The following OTUD6B variants were observed in gnomAD, a reference collection of about 807,000 sequenced individuals.
OTUD6B encodes deubiquitinase OTUD6B.
OTUD6B carries 41 observed loss-of-function variants against 36.9 expected under a neutral mutation model. The ratio of observed to expected loss-of-function variants is 1.11; its 90% CI spans 0.87 to 1.44. OTUD6B has a LOEUF of 1.44. Among genes scored for constraint, OTUD6B ranks in the 40% most tolerant of loss-of-function variants. The pLI, the probability that OTUD6B is intolerant of heterozygous loss-of-function variation, is 0.00. For synonymous variants in OTUD6B, 114 were observed against 114.2 expected, an observed-to-expected ratio of 1.00 and a Z score of 0.01; for missense variants, 356 against 344.8, an observed-to-expected ratio of 1.03 and a Z score of -0.26.
In OTUD6B at chr8:91,080,691, A is replaced by G. The variant is rs1460438317; in HGVS notation, c.651A>G (p.Glu217=). The change falls in exon 5 of 7, where the codon GAA becomes GAG. Residue 217 remains glutamate (E), a synonymous_variant. Transcript: ENST00000404789. ...CAGAAGAATTTCAGAAGTACTGTGA[A>G]GATATTGTAAACACAGCTGCATGGG... ...YTPEEFQKYC[E]DIVNTAAWGG... 1 of 1,603,832 alleles carries G rather than the reference A, an allele frequency of 6.2e-7. No individual in the cohort carries two copies. Among genetic ancestry groups the G allele is most frequent in the African/African-American group, 1.3e-5 (1 of 74,784 alleles).
At position 91,082,517 on chromosome 8, in the gene OTUD6B, GC is replaced by G. The variant is rs141933594; in HGVS notation, c.691-1489del. 5.3e-3 allele frequency among the ~76,000 whole-genome samples: 799 copies of G among 151,988 alleles called. 10 individuals are homozygous for G. Among genetic ancestry groups the G allele is most frequent in the African/African-American group, 0.018 (763 of 41,460 alleles). ...CACTCCTGAGTAGCTGCACCACCAT[GC>G]CTGGCTAATTTTTGTATTTTTTGTA... is the stretch of plus-strand genomic sequence containing the variant. On this transcript the variant is annotated intron_variant, in intron 5 of 6. Coordinates refer to ENST00000404789, the MANE Select transcript of OTUD6B (RefSeq NM_016023.5).
At chr8:91,074,394 A>C (rs979790515) in intron 3 of OTUD6B, among the ~76,000 whole-genome samples, 1 of 152,102 alleles carries the variant, frequency 6.6e-6, no homozygotes, top group South Asian at 2.1e-4. Context: ...TAGGTATACA[A>C]AATTCTTAGA....
chr8:91,073,442 C>T (rs1301625229), intron 2 of OTUD6B, among the ~76,000 whole-genome samples: 1 of 152,120 alleles, frequency 6.6e-6, no homozygotes, highest in African/African-American at 2.4e-5. Context: ...TGGAAAAAGG[C>T]CTCTGCTGCC....
intron 3 of OTUD6B, among the ~76,000 whole-genome samples, chr8:91,077,413 T>C (rs1812822701): frequency 6.6e-6 from 1 of 152,074 alleles, no homozygotes; most frequent in Admixed American, 6.6e-5. Flanking sequence ...TTTCATCTCT[T>C]GACAGTTTTC....
At position 91,086,557 on chromosome 8, in the gene OTUD6B, A is replaced by T. The variant is rs952882555; in HGVS notation, c.*1689A>T. 6.6e-6 allele frequency: 1 copy of T among 152,108 alleles called. No individual in the cohort carries two copies. Among genetic ancestry groups the T allele is most frequent in the Non-Finnish European group, 1.5e-5 (1 of 67,978 alleles). The allele number at this position is 152,108 out of a possible 1,614,324, so 9.4% of individuals were successfully genotyped here. A position where few individuals can be genotyped will look rare whatever the true frequency, so the allele number is the denominator to read the frequency against. ...AATGTCAACATTAGGAAGCCATAAA[A>T]CAAGATATTATGAAACCCAGTATTA... On this transcript the variant is annotated 3_prime_UTR_variant, in exon 7 of 7. Transcript: ENST00000404789.
chr8:91,076,700 A>T, intron 3 of OTUD6B: 1 of 1,263,688 alleles, frequency 7.9e-7, no homozygotes, highest in South Asian at 1.3e-5. Flanking sequence ...AGAAGAGGAA[A>T]ATGAGGGGTT....
intron 2 of OTUD6B, among the ~76,000 whole-genome samples, chr8:91,072,733 C>G (rs74874559): frequency 0.01 from 1,563 of 152,256 alleles, 35 homozygotes; most frequent in African/African-American, 0.036. Flanking sequence ...CCCATCTTTT[C>G]TATTAATGAG....
chr8:91,082,322 T>C (rs1812921490), intron 5 of OTUD6B, among the ~76,000 whole-genome samples: 1 of 152,120 alleles, frequency 6.6e-6, no homozygotes, highest in South Asian at 2.1e-4. Flanking sequence ...AATGGAATGT[T>C]CTTGTAATGG....
chr8:91,073,797 A>G lies in OTUD6B; in HGVS notation c.235-34A>G, dbSNP rs770238659. On this transcript the variant is annotated intron_variant, in intron 2 of 6. Coordinates refer to ENST00000404789, the MANE Select transcript of OTUD6B (RefSeq NM_016023.5). ...TATGATTTTCAGTAATTTAATAAGT[A>G]CATTGACTTGTTAATGCTTTTTGTT... 5.9e-6 allele frequency: 9 copies of G among 1,517,356 alleles called. No individual in the cohort carries two copies. The South Asian group carries it at 1.1e-4, about 19-fold the overall frequency. The allele number at this position is 1,517,356 out of a possible 1,614,324, so 94.0% of individuals were successfully genotyped here.
chr8:91,080,638 T>C (rs1812885521), intron 4 of OTUD6B, 31 bp from the exon 5 acceptor site: 2 of 1,562,048 alleles, frequency 1.3e-6, no homozygotes, highest in Non-Finnish European at 1.7e-6. Context: ...CAAAAATTAT[T>C]AAGTGCTGTA....
At chr8:91,081,423 G>A (rs1320342896) in intron 5 of OTUD6B, among the ~76,000 whole-genome samples, 2 of 151,572 alleles carry the variant, frequency 1.3e-5, no homozygotes, top group South Asian at 2.1e-4. Flanking sequence ...TGGTGATGAA[G>A]CAGCCTGGGT....
Position 91,071,123 on chromosome 8 carries a change from T to G in OTUD6B, c.83-15T>G, listed in dbSNP as rs1463496985. The G allele has an allele frequency of 3.7e-6, 6 of 1,611,604 alleles. No homozygotes were observed. The highest frequency in any genetic ancestry group is 5.1e-6 in the Non-Finnish European group (6 of 1,179,256). ...CTCCTGCGTGTCTGACTTAATGATTTTAATGGCTTTTCAGCCAAAATTCAG... is the reference window on the plus strand; with the variant it reads ...CTCCTGCGTGTCTGACTTAATGATTGTAATGGCTTTTCAGCCAAAATTCAG... On this transcript the variant is annotated splice_polypyrimidine_tract_variant and intron_variant, in intron 1 of 6. Coordinates refer to ENST00000404789, the MANE Select transcript of OTUD6B (RefSeq NM_016023.5).
Position 91,070,364 on chromosome 8 carries a change from G to A in OTUD6B, c.-21G>A, listed in dbSNP as rs758663478. ...CCGGTGCAGGTTTCTTCTAGCGCGT[G>A]TGCTGGGGTACCTGGTCGTCATGGA... is the stretch of plus-strand genomic sequence containing the variant. On this transcript the variant is annotated 5_prime_UTR_variant, in exon 1 of 7. In the 5' UTR this introduces an upstream ATG that the reference lacks. Coordinates refer to ENST00000404789, the MANE Select transcript of OTUD6B (RefSeq NM_016023.5). 4 of 1,612,428 alleles carry A rather than the reference G, an allele frequency of 2.5e-6. No individual in the cohort carries two copies. In the African/African-American group the frequency reaches 5.3e-5, roughly 22 times the overall value.
chr8:91,070,397 T>G lies in OTUD6B; in HGVS notation c.13T>G (p.Leu5Val). Residue 5 changes from leucine (L) to valine (V), a missense_variant, in exon 1 of 7, where the codon TTG (leucine) becomes GTG (valine). Transcript: ENST00000404789. ...GTACCTGGTCGTCATGGAGGCGGTA[T>G]TGACCGAAGAGCTTGATGAGGAAGA... MEAV[L>V]TEELDEEEQL... The G allele has an allele frequency of 6.2e-7, 1 of 1,607,338 alleles. No individual in the cohort carries two copies. The highest frequency in any genetic ancestry group is 8.5e-7 in the Non-Finnish European group (1 of 1,176,872).
At chr8:91,075,045 C>T (rs184990669) in intron 3 of OTUD6B, among the ~76,000 whole-genome samples, 99 of 152,012 alleles carry the variant, frequency 6.5e-4, no homozygotes, top group African/African-American at 2.1e-3. Flanking sequence ...TATAGTATGC[C>T]TCTTAAAAAT....
intron 2 of OTUD6B, among the ~76,000 whole-genome samples, chr8:91,073,106 G>A (rs1305768931): frequency 1.3e-5 from 2 of 151,952 alleles, no homozygotes; most frequent in African/African-American, 2.4e-5. Context: ...TGATCATTTG[G>A]GACACAGCCT....
Position 91,084,033 on chromosome 8 carries a change from A to C in OTUD6B, c.716A>C (p.Gln239Pro), listed in dbSNP as rs1190450182. The change falls in exon 6 of 7, where the codon CAA becomes CCA. Residue 239 changes from glutamine (Q) to proline (P), a missense_variant. Transcript: ENST00000404789. ...CTAAGAGCTCTGTCTCACATTTTAC[A>C]AACACCAATAGAGATAATACAGGCA... ...LELRALSHIL[Q>P]TPIEIIQADS... 6.4e-7 allele frequency: 1 copy of C among 1,574,508 alleles called. No individual in the cohort carries two copies. Among genetic ancestry groups the C allele is most frequent in the Non-Finnish European group, 8.6e-7 (1 of 1,159,630 alleles).
intron 3 of OTUD6B, among the ~76,000 whole-genome samples, chr8:91,077,237 C>A (rs980950580): frequency 2.0e-5 from 3 of 151,866 alleles, no homozygotes; most frequent in African/African-American, 7.3e-5. Flanking sequence ...TACAGACATA[C>A]ACACACATAC....
intron 6 of OTUD6B, 88 bp from the exon 7 acceptor site, chr8:91,084,696 T>C (rs893278550): frequency 4.2e-5 from 50 of 1,192,694 alleles, no homozygotes; most frequent in Non-Finnish European, 2.3e-5. Flanking sequence ...TTCAGAATCA[T>C]TGGTTTATAT....
Sources: allele counts gnomAD v4.1 joint callset (sites outside exome capture counted in the v4.1 genomes callset), GRCh38; gene constraint gnomAD v4.1.1; transcripts MANE v1.5; gene names NCBI Gene and HGNC (gene_info 2026-07-23, HGNC 2026-07-21).